Variants in IQCM observed in about 807,000 individuals in gnomAD.
IQCM encodes the protein IQ domain-containing protein M.
IQCM carries 45 observed loss-of-function variants against 57.6 expected under a neutral mutation model. The observed-to-expected ratio is 0.78, with a 90% CI of 0.62 to 1.00. The LOEUF (loss-of-function observed/expected upper bound fraction) is 1.00. Among genes scored for constraint, IQCM ranks in the 50% least tolerant of loss-of-function variants. The pLI is 0.00. For synonymous variants in IQCM, 148 were observed against 158.9 expected (o/e 0.93, Z 0.51); for missense variants, 468 against 511.6 (o/e 0.91, Z 0.82).
At chr4:149,410,467 C>T (rs1012108424) in intron 13 of IQCM, among the ~76,000 whole-genome samples, 1 of 148,116 alleles carries the variant, frequency 6.8e-6, no homozygotes. Context: ...TATATTTTTT[C>T]ATATTATATA....
chr4:149,627,798 G>A (rs1021614004), intron 7 of IQCM, among the ~76,000 whole-genome samples: 1 of 152,098 alleles, frequency 6.6e-6, no homozygotes, highest in African/African-American at 2.4e-5. Context: ...AAATGGGGAG[G>A]GAGATTATCC....
intron 7 of IQCM, among the ~76,000 whole-genome samples, chr4:149,646,012 G>A (rs1174112966): frequency 6.6e-6 from 1 of 152,054 alleles, no homozygotes; most frequent in East Asian, 1.9e-4. Flanking sequence ...CTGTGGATTG[G>A]CTCAGGCACA....
rs199882406 is a variant in IQCM, at chr4:149,737,959, G to GT, written c.38-2502_38-2501insA. On this transcript the variant is annotated intron_variant, in intron 3 of 13. Transcript: ENST00000636793. ...ACTTATAATTACAACATTGTCATGT[G>GT]CATGACACATGACAAGCAATATAAT... Among the ~76,000 whole-genome samples the GT allele has an allele frequency of 9.0e-3, 1,367 of 152,084 alleles. 9 individuals carry two copies. The highest frequency in any genetic ancestry group is 0.031 in the African/African-American group (1,266 of 41,450).
At chr4:149,528,349 G>T (rs903813262) in intron 12 of IQCM, among the ~76,000 whole-genome samples, 23 of 152,092 alleles carry the variant, frequency 1.5e-4, no homozygotes, top group African/African-American at 5.6e-4. Flanking sequence ...AACCCAAAAA[G>T]CTTCACAGCT....
intron 13 of IQCM, among the ~76,000 whole-genome samples, chr4:149,365,392 T>C (rs1446649473): frequency 1.3e-5 from 2 of 152,168 alleles, no homozygotes; most frequent in Non-Finnish European, 2.9e-5. Context: ...TTTACTAGTA[T>C]AATCAATAAA....
chr4:149,391,768 C>T (rs751188325), intron 13 of IQCM, among the ~76,000 whole-genome samples: 1 of 151,628 alleles, frequency 6.6e-6, no homozygotes, highest in Non-Finnish European at 1.5e-5. Context: ...ATTTATTTTC[C>T]ACATAATATG....
chr4:149,356,177 T>C (rs1728963232), intron 13 of IQCM, among the ~76,000 whole-genome samples: 1 of 152,206 alleles, frequency 6.6e-6, no homozygotes, highest in African/African-American at 2.4e-5. Context: ...GCAAAAATTT[T>C]CTCCCATTCT....
At chr4:149,797,578 G>T (rs1773224020) in intron 2 of IQCM, among the ~76,000 whole-genome samples, 1 of 151,942 alleles carries the variant, frequency 6.6e-6, no homozygotes, top group Non-Finnish European at 1.5e-5. Flanking sequence ...GTACAGAAAG[G>T]TTATAGAAAA....
At position 149,502,151 on chromosome 4, in the gene IQCM, T is replaced by TACAC. The variant is rs1553983015; in HGVS notation, c.1228+46300_1228+46303dup. Among the ~76,000 whole-genome samples the TACAC allele has an allele frequency of 3.6e-3, 541 of 149,550 alleles. 1 individual carries two copies. Among genetic ancestry groups the TACAC allele is most frequent in the Non-Finnish European group, 5.0e-3 (334 of 67,260 alleles). Reference sequence around the variant, plus strand: ...ATAATTTTTTATAATTATATATATATACACACACACACACACACACATATA... The same window carrying TACAC: ...ATAATTTTTTATAATTATATATATATACACACACACACACACACACACACATATA... On this transcript the variant is annotated intron_variant, in intron 12 of 13. Coordinates refer to ENST00000636793, the MANE Select transcript of IQCM (RefSeq NM_001363507.2).
chr4:149,548,108 G>A (rs1485104472), intron 12 of IQCM, among the ~76,000 whole-genome samples: 1 of 152,108 alleles, frequency 6.6e-6, no homozygotes, highest in Non-Finnish European at 1.5e-5. Context: ...AAGCCTCCTA[G>A]CATCAGTATT....
chr4:149,579,275 T>G (rs1166475426), intron 9 of IQCM, among the ~76,000 whole-genome samples: 1 of 151,770 alleles, frequency 6.6e-6, no homozygotes. Context: ...GTGTATCCCA[T>G]GCTTATGAGT....
At chr4:149,612,089 GGAGA>G (rs3057351) in intron 8 of IQCM, among the ~76,000 whole-genome samples, 18 of 148,916 alleles carry the variant, frequency 1.2e-4, no homozygotes, top group South Asian at 2.1e-4. Flanking sequence ...CATGGGGGAA[GGAGA>G]GAGAGAGAGA....
At chr4:149,357,135 G>C (rs1729060619) in intron 13 of IQCM, among the ~76,000 whole-genome samples, 1 of 152,150 alleles carries the variant, frequency 6.6e-6, no homozygotes, top group Non-Finnish European at 1.5e-5. Context: ...TCAGCTTAAG[G>C]AGATTTTGGG....
chr4:149,461,345 T>G (rs942784558), intron 12 of IQCM, among the ~76,000 whole-genome samples: 5 of 152,098 alleles, frequency 3.3e-5, no homozygotes, highest in African/African-American at 1.2e-4. Context: ...TGACCACTTT[T>G]ACAAGGTTAT....
intron 7 of IQCM, among the ~76,000 whole-genome samples, chr4:149,623,587 C>G (rs1172736623): frequency 6.6e-6 from 1 of 152,170 alleles, no homozygotes; most frequent in East Asian, 1.9e-4. Context: ...TCCACAAAGT[C>G]AGTCGAAAGT....
intron 13 of IQCM, among the ~76,000 whole-genome samples, chr4:149,376,950 A>G (rs1421628271): frequency 6.6e-6 from 1 of 152,142 alleles, no homozygotes; most frequent in Non-Finnish European, 1.5e-5. Flanking sequence ...ACAATTTAAT[A>G]TAATAATGCT....
At chr4:149,772,425 A>G (rs1289989109) in intron 2 of IQCM, among the ~76,000 whole-genome samples, 2 of 152,286 alleles carry the variant, frequency 1.3e-5, no homozygotes, top group Middle Eastern at 3.4e-3. Flanking sequence ...CCCCCCATTC[A>G]GAAAAATAGA....
chr4:149,561,454 C>T (rs577172688), intron 10 of IQCM, among the ~76,000 whole-genome samples: 1 of 152,122 alleles, frequency 6.6e-6, no homozygotes, highest in Non-Finnish European at 1.5e-5. Flanking sequence ...TAAACTTCTA[C>T]AATTATATCA....
At chr4:149,439,715 G>A (rs1460132727) in intron 12 of IQCM, among the ~76,000 whole-genome samples, 1 of 151,962 alleles carries the variant, frequency 6.6e-6, no homozygotes, top group East Asian at 1.9e-4. Context: ...ATCCATTAAT[G>A]AGACTTTGCT....
Sources: allele counts gnomAD v4.1 joint callset (sites outside exome capture counted in the v4.1 genomes callset), GRCh38; gene constraint gnomAD v4.1.1; transcripts MANE v1.5; gene names NCBI Gene and HGNC (gene_info 2026-07-23, HGNC 2026-07-21).